LRRC4B: variants seen among roughly 807,000 people sequenced by gnomAD.
The protein encoded by LRRC4B is leucine rich repeat containing 4B.
A neutral mutation model predicts 7.3 loss-of-function variants in LRRC4B; 1 was observed. That is an observed-to-expected ratio of 0.14 (90% CI 0.05 to 0.65). The LOEUF is 0.65. Among genes scored for constraint, LRRC4B ranks in the 30% least tolerant of loss-of-function variants. The probability of loss-of-function intolerance (pLI) is 0.84; values close to 1 mark genes in which losing one functional copy is unlikely to be tolerated. For missense variants in LRRC4B, 730 were observed against 1,041.6 expected, an observed-to-expected ratio of 0.70 and a Z score of 4.12; for synonymous variants, 500 against 499.2, an observed-to-expected ratio of 1.00 and a Z score of -0.02.
intron 1 of LRRC4B, among the ~76,000 whole-genome samples, chr19:50,561,435 C>T (rs1982458612): frequency 6.6e-6 from 1 of 151,976 alleles, no homozygotes; most frequent in South Asian, 2.1e-4. Context: ...GCTTCAATGC[C>T]TTCAAAAGTC....
chr19:50,521,938 G>C lies in LRRC4B; in HGVS notation c.298-2523C>G, dbSNP rs192071358. Among the ~76,000 whole-genome samples the C allele has an allele frequency of 2.8e-3, 430 of 152,272 alleles. 2 individuals carry two copies. The highest frequency in any genetic ancestry group is 4.6e-3 in the Non-Finnish European group (314 of 68,014). ...CAGCAGTAATCCCAGCACTTTGGGA[G>C]GCCGAGGTGGGAGGATCACTTGAGC... On this transcript the variant is annotated intron_variant, in intron 2 of 2. Transcript: ENST00000652263.
Position 50,519,331 on chromosome 19 carries a change from C to T in LRRC4B, c.382G>A (p.Gly128Ser). 1 of 1,613,088 alleles carries T rather than the reference C, an allele frequency of 6.2e-7. No individual in the cohort carries two copies. The highest frequency in any genetic ancestry group is 8.5e-7 in the Non-Finnish European group (1 of 1,180,022). Residue 128 changes from glycine to serine, a missense_variant, in exon 3 of 3, where the codon GGC (glycine) becomes AGC (serine). This residue lies in a region of LRRC4B where 226 missense variants were observed against 448.0 expected (regional missense o/e 0.50). Transcript: ENST00000652263. The surrounding 1 kb of genome is among the most constrained non-coding windows in gnomAD (Gnocchi z 8.1). ...AGGCTGGGCAGCCCGTTGAAGGCGC[C>T]CACCTCGATCTTGCGCACCAGGTTC... ...SKNLVRKIEVGAFNGLPSLNT... is the reference protein window; with the variant it reads ...SKNLVRKIEVSAFNGLPSLNT...
At chr19:50,552,105 G>A (rs758959299) in intron 1 of LRRC4B, among the ~76,000 whole-genome samples, 4 of 152,104 alleles carry the variant, frequency 2.6e-5, no homozygotes, top group African/African-American at 4.8e-5. Context: ...TGGTTGGGCC[G>A]TGCCAAGCCG....
Position 50,563,165 on chromosome 19 carries a change from GC to G in LRRC4B, c.-36+4778del, listed in dbSNP as rs1158817996. 1.3e-5 allele frequency among the ~76,000 whole-genome samples: 2 copies of G among 152,038 alleles called. No individual in the cohort carries two copies. The highest frequency in any genetic ancestry group is 2.9e-5 in the Non-Finnish European group (2 of 67,982). ...GGCTCCCGCCTGCCTCCCGCAGTGAGCCCCCATCAGCCCCTCTCGTGGGTCT... is the reference window on the plus strand; with the variant it reads ...GGCTCCCGCCTGCCTCCCGCAGTGAGCCCCATCAGCCCCTCTCGTGGGTCT... On this transcript the variant is annotated intron_variant, in intron 1 of 2. Transcript: ENST00000652263. The surrounding 1 kb of genome is among the most constrained non-coding windows in gnomAD (Gnocchi z 4.9).
chr19:50,553,298 C>T lies in LRRC4B; in HGVS notation c.-35-4425G>A, dbSNP rs760555531. Reference sequence around the variant, plus strand: ...TGTCAACACCCCATGGACCCTGCCCCGCCTCTGCTCCACAGCCTTCCACAG... The same window carrying T: ...TGTCAACACCCCATGGACCCTGCCCTGCCTCTGCTCCACAGCCTTCCACAG... On this transcript the variant is annotated intron_variant, in intron 1 of 2. Transcript: ENST00000652263. The surrounding 1 kb of genome is among the most constrained non-coding windows in gnomAD (Gnocchi z 4.2). Among the ~76,000 whole-genome samples the T allele has an allele frequency of 2.6e-5, 4 of 152,158 alleles. No individual in the cohort carries two copies. Among genetic ancestry groups the T allele is most frequent in the Admixed American group, 6.5e-5 (1 of 15,272 alleles).
At chr19:50,552,680 CCAT>C (rs1568734049) in intron 1 of LRRC4B, among the ~76,000 whole-genome samples, 23 of 147,670 alleles carry the variant, frequency 1.6e-4, no homozygotes, top group South Asian at 9.2e-4. Flanking sequence ...ATCCATCCAT[CCAT>C]CCATCCGTCC....
Position 50,555,548 on chromosome 19 carries a change from G to T in LRRC4B, c.-35-6675C>A. ...GGACAGGAGGCCCCGAGATGGAGCT[G>T]AGATCCAGGCGAAGGCAGAGGCTGG... On this transcript the variant is annotated intron_variant, in intron 1 of 2. Transcript: ENST00000652263. The surrounding 1 kb of genome is among the most constrained non-coding windows in gnomAD (Gnocchi z 5.2). 6.5e-6 allele frequency: 1 copy of T among 152,996 alleles called. No homozygotes were observed. The highest frequency in any genetic ancestry group is 2.4e-5 in the African/African-American group (1 of 41,592). 9.5% of individuals were successfully genotyped at this position (152,996 alleles called of 1,614,324 possible). A position where few individuals can be genotyped will look rare whatever the true frequency, so the allele number is the denominator to read the frequency against.
chr19:50,528,321 G>A (rs1980906955), intron 2 of LRRC4B, among the ~76,000 whole-genome samples: 1 of 152,080 alleles, frequency 6.6e-6, no homozygotes, highest in South Asian at 2.1e-4. Flanking sequence ...GATTACAGGT[G>A]TGAGTCACTA....
At chr19:50,543,114 C>G (rs1981626711) in intron 2 of LRRC4B, among the ~76,000 whole-genome samples, 1 of 152,136 alleles carries the variant, frequency 6.6e-6, no homozygotes, top group Admixed American at 6.6e-5. Context: ...AGTTCGGGAG[C>G]TGGCCTCCCA....
At position 50,563,455 on chromosome 19, in the gene LRRC4B, G is replaced by C. The variant is rs1285433274; in HGVS notation, c.-36+4489C>G. Among the ~76,000 whole-genome samples the C allele has an allele frequency of 1.3e-5, 2 of 152,334 alleles. No homozygotes were observed. The highest frequency in any genetic ancestry group is 2.9e-5 in the Non-Finnish European group (2 of 68,016). ...GCCCCCTTCACCCAGCAAGGGTGATGGTGGAGGGGATGCTGCTGGGCTTGA... is the reference window on the plus strand; with the variant it reads ...GCCCCCTTCACCCAGCAAGGGTGATCGTGGAGGGGATGCTGCTGGGCTTGA... On this transcript the variant is annotated intron_variant, in intron 1 of 2. Coordinates refer to ENST00000652263, the MANE Select transcript of LRRC4B (RefSeq NM_001080457.2). The surrounding 1 kb of genome is among the most constrained non-coding windows in gnomAD (Gnocchi z 4.9).
At position 50,556,716 on chromosome 19, in the gene LRRC4B, C is replaced by G. The variant is rs1187249338; in HGVS notation, c.-35-7843G>C. ...GGCCGGCCAACGGCGCTGGCCCCTCCGAGCCTCAGTATTTGCTGCAGGAAC... is the reference window on the plus strand; with the variant it reads ...GGCCGGCCAACGGCGCTGGCCCCTCGGAGCCTCAGTATTTGCTGCAGGAAC... On this transcript the variant is annotated intron_variant, in intron 1 of 2. Coordinates refer to ENST00000652263, the MANE Select transcript of LRRC4B (RefSeq NM_001080457.2). This position sits in a 1 kb window ranked among gnomAD's most constrained non-coding sequence, Gnocchi z 4.2. Among the ~76,000 whole-genome samples, 1 of 152,168 alleles carries G rather than the reference C, an allele frequency of 6.6e-6. No homozygotes were observed. The highest frequency in any genetic ancestry group is 1.5e-5 in the Non-Finnish European group (1 of 68,022).
intron 1 of LRRC4B, among the ~76,000 whole-genome samples, chr19:50,567,303 C>G (rs2122941301): frequency 6.6e-6 from 1 of 151,692 alleles, no homozygotes; most frequent in South Asian, 2.1e-4. Flanking sequence ...AGCCGCCCAC[C>G]AGGAGAGGCG....
Position 50,548,795 on chromosome 19 carries a change from C to G in LRRC4B, c.44G>C (p.Gly15Ala). The G allele has an allele frequency of 2.0e-6, 3 of 1,519,652 alleles. No homozygotes were observed. The highest frequency in any genetic ancestry group is 2.6e-6 in the Non-Finnish European group (3 of 1,138,230). The allele number at this position is 1,519,652 out of a possible 1,614,324, so 94.1% of individuals were successfully genotyped here. A position where few individuals can be genotyped will look rare whatever the true frequency, so the allele number is the denominator to read the frequency against. Reference sequence around the variant, plus strand: ...TGCCCCGTGGGGCCAGGACATCCTACCGGGCGGCAGCGGGGGGCACGGGGA... The same window carrying G: ...TGCCCCGTGGGGCCAGGACATCCTAGCGGGCGGCAGCGGGGGGCACGGGGA... ...RGSPCPPLPP[G>A]RMSWPHGALL... Residue 15 changes from glycine to alanine, a missense_variant, in exon 2 of 3, where the codon GGT (glycine) becomes GCT (alanine). By Grantham distance (60) the Gly-to-Ala change is moderately conservative (BLOSUM62 0). Transcript: ENST00000652263. This position sits in a 1 kb window ranked among gnomAD's most constrained non-coding sequence, Gnocchi z 6.8.
rs769692046 is a variant in LRRC4B, at chr19:50,518,759, G to A, written c.954C>T (p.Asp318=). 9 of 1,613,962 alleles carry A rather than the reference G, an allele frequency of 5.6e-6. No individual in the cohort carries two copies. The highest frequency in any genetic ancestry group is 5.0e-5 in the Admixed American group (3 of 60,010). The change falls in exon 3 of 3, where the codon GAC becomes GAT. Residue 318 remains aspartate, a synonymous_variant. Transcript: ENST00000652263. The part of the protein sequence containing the change: ...LNHNPWHCNC[D]VLWLSWWLKE... Reference sequence around the variant, plus strand: ...TGAGCCACCAGCTCAGCCAGAGCACGTCGCAGTTGCAATGCCAGGGGTTGT... The same window carrying A: ...TGAGCCACCAGCTCAGCCAGAGCACATCGCAGTTGCAATGCCAGGGGTTGT...
At chr19:50,543,016 C>T (rs1314476138) in intron 2 of LRRC4B, among the ~76,000 whole-genome samples, 1 of 152,134 alleles carries the variant, frequency 6.6e-6, no homozygotes, top group Admixed American at 6.6e-5. Flanking sequence ...CTGAGCCACC[C>T]CCCAGAGCTC....
rs2122894795 is a variant in LRRC4B, at chr19:50,548,905, T to C, written c.-35-32A>G. On this transcript the variant is annotated intron_variant, in intron 1 of 2. Transcript: ENST00000652263. The surrounding 1 kb of genome is among the most constrained non-coding windows in gnomAD (Gnocchi z 6.8). The stretch of plus-strand genomic sequence containing the variant: ...GTGGGGGAGAGAAGGGGGAGAGGCT[T>C]GGTGAGGGACAGGAGCCCATGTGGC... The C allele has an allele frequency of 9.0e-7, 1 of 1,111,296 alleles. No individual in the cohort carries two copies. Among genetic ancestry groups the C allele is most frequent in the Non-Finnish European group, 1.2e-6 (1 of 805,628 alleles). The allele number at this position is 1,111,296 out of a possible 1,614,324, so 68.8% of individuals were successfully genotyped here.
chr19:50,521,705 C>T (rs530877002), intron 2 of LRRC4B, among the ~76,000 whole-genome samples: 1 of 151,318 alleles, frequency 6.6e-6, no homozygotes, highest in East Asian at 2.0e-4. Flanking sequence ...GGATTACAGG[C>T]GTGAGCCACC....
rs955051655 is a variant in LRRC4B at position 50,556,434 on chromosome 19, C to T, written c.-35-7561G>A. ...CCCGTTCCCCTGAGGGGACTTTGCC[C>T]CTGCTGTGCCCTCGGCCAGCCGGGG... On this transcript the variant is annotated intron_variant, in intron 1 of 2. Coordinates refer to ENST00000652263, the MANE Select transcript of LRRC4B (RefSeq NM_001080457.2). The surrounding 1 kb of genome is among the most constrained non-coding windows in gnomAD (Gnocchi z 4.2). 5.3e-5 allele frequency among the ~76,000 whole-genome samples: 8 copies of T among 152,172 alleles called. No individual in the cohort carries two copies. Among genetic ancestry groups the T allele is most frequent in the African/African-American group, 1.9e-4 (8 of 41,442 alleles).
intron 2 of LRRC4B, among the ~76,000 whole-genome samples, chr19:50,544,112 C>T (rs1197665998): frequency 2.6e-5 from 4 of 151,944 alleles, no homozygotes; most frequent in Admixed American, 6.6e-5. Flanking sequence ...GAGGCTGAGG[C>T]GGTAGAATTG....
Sources: allele counts gnomAD v4.1 joint callset (sites outside exome capture counted in the v4.1 genomes callset), GRCh38; gene constraint gnomAD v4.1.1; regional missense constraint gnomAD v4.1.1; non-coding constraint Gnocchi (gnomAD v3.1); transcripts MANE v1.5; gene names NCBI Gene and HGNC (gene_info 2026-07-23, HGNC 2026-07-21).